Variants in THOP1 observed in about 807,000 individuals in gnomAD.
THOP1 encodes the protein thimet oligopeptidase.
In THOP1, 49 loss-of-function variants were observed where a neutral mutation model predicts 71.8. That is an observed-to-expected ratio of 0.68 (90% CI 0.54 to 0.87). The LOEUF is 0.87. Among genes scored for constraint, THOP1 ranks in the 40% least tolerant of loss-of-function variants. The pLI is 0.00. For missense variants in THOP1, 843 were observed against 975.6 expected (o/e 0.86, Z 1.81); for synonymous variants, 426 against 421.5 (o/e 1.01, Z -0.13).
At chr19:2,789,023 A>T in intron 1 of THOP1, among the ~76,000 whole-genome samples, 1 of 152,324 alleles carries the variant, frequency 6.6e-6, no homozygotes, top group East Asian at 1.9e-4. Flanking sequence ...GGCCTCCCAA[A>T]GTGCTGGGAT....
At chr19:2,810,987 G>C (rs917128475) in intron 11 of THOP1, among the ~76,000 whole-genome samples, 11 of 152,252 alleles carry the variant, frequency 7.2e-5, no homozygotes, top group African/African-American at 2.7e-4. Flanking sequence ...CCCCCAGGAG[G>C]AGTGTGTTCC....
At chr19:2,810,809 C>T (rs753879298) in intron 11 of THOP1, 41 bp downstream of exon 11, 1 of 1,581,144 alleles carries the variant, frequency 6.3e-7, no homozygotes, top group Non-Finnish European at 8.6e-7. Context: ...AATTTGGAGC[C>T]TCAGCTGCTT....
At chr19:2,793,174 T>TCAAA (rs998553820) in intron 2 of THOP1, among the ~76,000 whole-genome samples, 8 of 151,578 alleles carry the variant, frequency 5.3e-5, no homozygotes, top group African/African-American at 1.2e-4. Flanking sequence ...AAACTCTGTC[T>TCAAA]CAAACAAACA....
rs774598458 is a variant in THOP1, at chr19:2,807,404, C to T, written c.887-38C>T. ...GCGAGCCCAGAGCCATGGAGGAGCC[C>T]GCGAGGCGAGAGGCCCACCTTTCTG... On this transcript the variant is annotated intron_variant, in intron 7 of 12. Transcript: ENST00000307741. The T allele has an allele frequency of 2.0e-5, 30 of 1,536,292 alleles. No homozygotes were observed. In the Admixed American group the frequency reaches 3.4e-4, roughly 18 times the overall value.
In THOP1 at chr19:2,785,515, G is replaced by C; in HGVS notation, c.-148G>C. 2.4e-6 allele frequency: 2 copies of C among 844,604 alleles called. No homozygotes were observed. Among genetic ancestry groups the C allele is most frequent in the Non-Finnish European group, 3.2e-6 (2 of 619,134 alleles). The allele number at this position is 844,604 out of a possible 1,614,324, so 52.3% of individuals were successfully genotyped here. ...CGCGCGCCGCCCCAGCATGCCCCGG[G>C]AGCGCGGGCGGCGGGCCCCTTGGTC... On this transcript the variant is annotated 5_prime_UTR_variant, in exon 1 of 13. Transcript: ENST00000307741.
chr19:2,789,958 T>A, intron 1 of THOP1: 1 of 156,530 alleles, frequency 6.4e-6, no homozygotes, highest in Non-Finnish European at 1.4e-5. Flanking sequence ...TTTCACCATA[T>A]TGTTCAGGCT....
At position 2,810,296 on chromosome 19, in the gene THOP1, C is replaced by T; in HGVS notation, c.1456-8C>T. On this transcript the variant is annotated splice_region_variant and splice_polypyrimidine_tract_variant and intron_variant, in intron 9 of 12. Coordinates refer to ENST00000307741, the MANE Select transcript of THOP1 (RefSeq NM_003249.5). ...TGGGCACTCTGAGGCTCTGCCCCATCCCTGCAGGCGGAGTTCGCCATGTTC... is the reference window on the plus strand; with the variant it reads ...TGGGCACTCTGAGGCTCTGCCCCATTCCTGCAGGCGGAGTTCGCCATGTTC... 4.3e-6 allele frequency: 7 copies of T among 1,609,762 alleles called. No homozygotes were observed. The highest frequency in any genetic ancestry group is 5.9e-6 in the Non-Finnish European group (7 of 1,179,306).
rs749637065 is a variant in THOP1 at position 2,807,617 on chromosome 19, C to G, written c.1062C>G (p.Asn354Lys). The G allele has an allele frequency of 1.2e-6, 2 of 1,612,516 alleles. No individual in the cohort carries two copies. Among genetic ancestry groups the G allele is most frequent in the South Asian group, 2.2e-5 (2 of 91,070 alleles). The stretch of plus-strand genomic sequence containing the variant: ...AGACGCGCTACTGCGTGGACCAGAA[C>G]CTGCTCAAGGAGTACTTCCCCGTGC... The part of the protein sequence containing the change: ...VEETRYCVDQ[N>K]LLKEYFPVQV... Residue 354 changes from asparagine to lysine, a missense_variant, in exon 8 of 13, where the codon AAC becomes AAG. By Grantham distance (94) the Asn-to-Lys change is moderately conservative. Coordinates refer to ENST00000307741, the MANE Select transcript of THOP1 (RefSeq NM_003249.5).
rs1205460970 is a variant in THOP1, at chr19:2,812,386, A to G, written c.1908+652A>G. On this transcript the variant is annotated intron_variant, in intron 12 of 12. Coordinates refer to ENST00000307741, the MANE Select transcript of THOP1 (RefSeq NM_003249.5). ...GGCAGCCTGCAGGTACCTCGGAGCCACCAAGCAGGCACTCAGCTGCTCCCT... is the reference window on the plus strand; with the variant it reads ...GGCAGCCTGCAGGTACCTCGGAGCCGCCAAGCAGGCACTCAGCTGCTCCCT... 4 of 1,501,936 alleles carry G rather than the reference A, an allele frequency of 2.7e-6. No homozygotes were observed. The South Asian group carries it at 3.7e-5, about 14-fold the overall frequency. 93.0% of individuals were successfully genotyped at this position (1,501,936 alleles called of 1,614,324 possible).
chr19:2,810,705 G>C lies in THOP1; in HGVS notation c.1708G>C (p.Ala570Pro). The change falls in exon 11 of 13, where the codon GCA becomes CCA. Residue 570 changes from alanine (A) to proline (P), a missense_variant. Transcript: ENST00000307741. ...VDQALHTQTD[A>P]DPAEEYARLC... ...CCAGGCCCTGCACACGCAGACGGAC[G>C]CAGACCCCGCCGAGGAGTATGCGCG... 1 of 1,581,716 alleles carries C rather than the reference G, an allele frequency of 6.3e-7. No individual in the cohort carries two copies. The highest frequency in any genetic ancestry group is 1.8e-5 in the Admixed American group (1 of 55,952).
chr19:2,795,066 C>A (rs896376908), intron 3 of THOP1, among the ~76,000 whole-genome samples, 154 bp downstream of exon 3: 3 of 152,196 alleles, frequency 2.0e-5, no homozygotes, highest in Admixed American at 2.0e-4. Context: ...TCAAGTGATC[C>A]GCCCACCTCG....
intron 3 of THOP1, among the ~76,000 whole-genome samples, chr19:2,795,528 C>CT (rs1420622325): frequency 6.6e-6 from 1 of 152,212 alleles, no homozygotes; most frequent in Non-Finnish European, 1.5e-5. Context: ...TCATGCAGCC[C>CT]TAGTGCTTTG....
chr19:2,799,654 C>G, intron 4 of THOP1, 35 bp from the exon 5 acceptor site: 52 of 1,501,284 alleles, frequency 3.5e-5, no homozygotes, highest in Non-Finnish European at 4.5e-5. Context: ...CCGCCCCGGT[C>G]TCTCCCTCCC....
At chr19:2,789,558 CA>C (rs1249705770) in intron 1 of THOP1, among the ~76,000 whole-genome samples, 15 of 152,190 alleles carry the variant, frequency 9.9e-5, no homozygotes, top group Non-Finnish European at 1.9e-4. Flanking sequence ...TTGTTCCCCC[CA>C]CTGGGTGTGG....
chr19:2,813,003 C>G, intron 12 of THOP1, 112 bp from the exon 13 acceptor site: 1 of 1,355,280 alleles, frequency 7.4e-7, no homozygotes, highest in Non-Finnish European at 9.9e-7. Flanking sequence ...TCCCTGGGAA[C>G]CTGGAAGGGG....
Position 2,794,920 on chromosome 19 carries a change from G to A in THOP1, c.378+8G>A. ...AGGATCGTGTGGCTCCAGGTGAGGGGGCCCTGCGGGGAGTGCAAATAGCCT... is the reference window on the plus strand; with the variant it reads ...AGGATCGTGTGGCTCCAGGTGAGGGAGCCCTGCGGGGAGTGCAAATAGCCT... On this transcript the variant is annotated splice_region_variant and intron_variant, in intron 3 of 12. Transcript: ENST00000307741. 6.2e-7 allele frequency: 1 copy of A among 1,602,830 alleles called. No individual in the cohort carries two copies. Among genetic ancestry groups the A allele is most frequent in the South Asian group, 1.1e-5 (1 of 90,848 alleles).
chr19:2,808,384 T>A lies in THOP1; in HGVS notation c.1395T>A (p.His465Gln). Residue 465 changes from histidine (H) to glutamine (Q), a missense_variant, in exon 9 of 13, where the codon CAT (histidine) becomes CAA (glutamine). Transcript: ENST00000307741. ...PTADAPSLLQ[H>Q]DEVETYFHEF... is the part of the protein sequence containing the mutation. ...CCGACGCGCCCTCGCTGCTGCAGCA[T>A]GACGAGGTGGAGACCTACTTCCATG... The A allele has an allele frequency of 2.5e-6, 4 of 1,611,528 alleles. No individual in the cohort carries two copies. Among genetic ancestry groups the A allele is most frequent in the Non-Finnish European group, 3.4e-6 (4 of 1,179,046 alleles).
rs1389183219 is a variant in THOP1 at position 2,801,653 on chromosome 19, A to T, written c.589+1862A>T. On this transcript the variant is annotated intron_variant, in intron 5 of 12. Coordinates refer to ENST00000307741, the MANE Select transcript of THOP1 (RefSeq NM_003249.5). This position sits in a 1 kb window ranked among gnomAD's most constrained non-coding sequence, Gnocchi z 5.1. Reference sequence around the variant, plus strand: ...AGGCCATGTAGTTTATAAGAAAAGGAATTAACTTGTCACAGCTCTGGAGGC... The same window carrying T: ...AGGCCATGTAGTTTATAAGAAAAGGTATTAACTTGTCACAGCTCTGGAGGC... Among the ~76,000 whole-genome samples the T allele has an allele frequency of 6.6e-6, 1 of 152,154 alleles. No homozygotes were observed. The highest frequency in any genetic ancestry group is 1.5e-5 in the Non-Finnish European group (1 of 68,012).
chr19:2,796,043 T>C (rs1410901485), intron 3 of THOP1, 38 bp from the exon 4 acceptor site: 3 of 1,552,246 alleles, frequency 1.9e-6, no homozygotes, highest in Non-Finnish European at 2.7e-6. Context: ...GCGGCTGCAC[T>C]GGCCCACGTC....
Sources: gnomAD v4.1 joint callset for allele counts (sites outside exome capture counted in the v4.1 genomes callset) on GRCh38, gnomAD v4.1.1 for gene constraint, Gnocchi (gnomAD v3.1) non-coding constraint, MANE v1.5 for transcripts, NCBI Gene and HGNC (gene_info 2026-07-23, HGNC 2026-07-21) for gene names.